The following FSTL5 variants were observed in gnomAD, a reference collection of about 807,000 sequenced individuals.
The protein encoded by FSTL5 is follistatin like 5.
FSTL5 carries 62 observed loss-of-function variants against 89.1 expected under a neutral mutation model. That is an observed-to-expected ratio of 0.70 (90% confidence interval 0.57 to 0.86). The LOEUF (loss-of-function observed/expected upper bound fraction) is 0.86, where lower values mean the gene tolerates loss of function less well. Ranked by LOEUF, FSTL5 falls within the 40% of genes least tolerant of loss-of-function variation. The pLI is 0.00. For missense variants in FSTL5, 1,057 were observed against 1,001.6 expected (o/e 1.06, Z -0.75); for synonymous variants, 383 against 346.2 (o/e 1.11, Z -1.18).
chr4:161,462,270 G>A (rs1733608377), intron 13 of FSTL5, among the ~76,000 whole-genome samples: 1 of 152,034 alleles, frequency 6.6e-6, no homozygotes, highest in African/African-American at 2.4e-5. Context: ...CCTCTTAGTT[G>A]ATTGTTTATT....
intron 8 of FSTL5, among the ~76,000 whole-genome samples, chr4:161,561,593 G>A (rs1732604070): frequency 6.6e-6 from 1 of 151,710 alleles, no homozygotes; most frequent in Non-Finnish European, 1.5e-5. Flanking sequence ...CTTTAACAGG[G>A]AATTTAATGG....
At chr4:161,648,258 A>G (rs1411979484) in intron 7 of FSTL5, among the ~76,000 whole-genome samples, 3 of 152,128 alleles carry the variant, frequency 2.0e-5, no homozygotes, top group Non-Finnish European at 4.4e-5. Context: ...GAGCAAAACT[A>G]AAAGAGCACC....
At chr4:161,910,824 A>C (rs1036789955) in intron 4 of FSTL5, among the ~76,000 whole-genome samples, 1 of 152,140 alleles carries the variant, frequency 6.6e-6, no homozygotes, top group African/African-American at 2.4e-5. Context: ...TTTTCCACTT[A>C]ACTGGACTAC....
chr4:161,682,282 G>A (rs1737551486), intron 6 of FSTL5, among the ~76,000 whole-genome samples: 2 of 152,200 alleles, frequency 1.3e-5, no homozygotes, highest in South Asian at 2.1e-4. Context: ...TATAACCGCT[G>A]TATACTTAGG....
intron 2 of FSTL5, among the ~76,000 whole-genome samples, chr4:162,042,676 A>G (rs2111229973): frequency 6.6e-6 from 1 of 152,126 alleles, no homozygotes; most frequent in Admixed American, 6.6e-5. Flanking sequence ...ACATATAGGC[A>G]CTCCTCTCCA....
At chr4:161,977,639 A>AAATAATAATAATAATAAT (rs70937700) in intron 3 of FSTL5, among the ~76,000 whole-genome samples, 200 of 101,108 alleles carry the variant, frequency 2.0e-3, no homozygotes, top group East Asian at 4.0e-3. Flanking sequence ...AAAAAAAAAA[A>AAATAATAATAATAATAAT]AATAATAATA....
intron 15 of FSTL5, among the ~76,000 whole-genome samples, chr4:161,438,366 A>AAAAT (rs1322823811): frequency 2.0e-5 from 3 of 152,102 alleles, no homozygotes; most frequent in Non-Finnish European, 4.4e-5. Flanking sequence ...TACTAGAGAG[A>AAAAT]AAATAAAAAC....
At chr4:161,961,878 A>G (rs1735188983) in intron 3 of FSTL5, among the ~76,000 whole-genome samples, 1 of 151,690 alleles carries the variant, frequency 6.6e-6, no homozygotes, top group Non-Finnish European at 1.5e-5. Flanking sequence ...CTATGATAAC[A>G]AACAATTAGA....
chr4:161,985,646 C>T (rs547488438), intron 3 of FSTL5, among the ~76,000 whole-genome samples: 176 of 151,794 alleles, frequency 1.2e-3, no homozygotes, highest in African/African-American at 3.4e-3. Flanking sequence ...CTTTAATATA[C>T]TTTGTATATA....
chr4:161,624,520 C>T (rs190268169), intron 7 of FSTL5, among the ~76,000 whole-genome samples: 2 of 151,448 alleles, frequency 1.3e-5, no homozygotes, highest in East Asian at 3.9e-4. Context: ...ATTAAAAGTT[C>T]CTTTATATTA....
At chr4:161,599,030 T>C (rs1045934984) in intron 7 of FSTL5, among the ~76,000 whole-genome samples, 1 of 151,974 alleles carries the variant, frequency 6.6e-6, no homozygotes. Flanking sequence ...TTTGTAAAAA[T>C]ACATTATCAA....
chr4:161,593,255 T>G (rs1256420820), intron 7 of FSTL5, among the ~76,000 whole-genome samples: 1 of 152,100 alleles, frequency 6.6e-6, no homozygotes. Flanking sequence ...TTAAAAATAT[T>G]TATATCTTTA....
At chr4:161,950,281 C>T (rs1734855222) in intron 3 of FSTL5, among the ~76,000 whole-genome samples, 1 of 152,132 alleles carries the variant, frequency 6.6e-6, no homozygotes, top group Non-Finnish European at 1.5e-5. Flanking sequence ...GGAGACTTAA[C>T]TCTTACCTAT....
intron 4 of FSTL5, among the ~76,000 whole-genome samples, chr4:161,837,451 G>A (rs1731083110): frequency 6.6e-6 from 1 of 152,082 alleles, no homozygotes; most frequent in Non-Finnish European, 1.5e-5. Flanking sequence ...TAAATAAATA[G>A]GATGCCATTG....
chr4:161,429,486 C>A (rs1732278327), intron 15 of FSTL5, among the ~76,000 whole-genome samples: 1 of 152,156 alleles, frequency 6.6e-6, no homozygotes, highest in South Asian at 2.1e-4. Flanking sequence ...TTTGTATCAC[C>A]CCTCCGCCAG....
chr4:161,710,254 T>C (rs1579039414), intron 6 of FSTL5, among the ~76,000 whole-genome samples: 1 of 152,144 alleles, frequency 6.6e-6, no homozygotes, highest in East Asian at 1.9e-4. Context: ...AGGTATGAGC[T>C]ACTGCACCTG....
At chr4:161,486,677 C>T (rs1437849804) in intron 12 of FSTL5, among the ~76,000 whole-genome samples, 3 of 152,174 alleles carry the variant, frequency 2.0e-5, no homozygotes, top group Non-Finnish European at 4.4e-5. Context: ...TAACCACTCT[C>T]TCTGCTCCTT....
intron 15 of FSTL5, among the ~76,000 whole-genome samples, chr4:161,443,350 A>T (rs2126373151): frequency 6.6e-6 from 1 of 152,120 alleles, no homozygotes; most frequent in African/African-American, 2.4e-5. Context: ...AGCATACTAA[A>T]TTTTTTTAAA....
chr4:161,903,092 T>A (rs1383538080), intron 4 of FSTL5, among the ~76,000 whole-genome samples: 1 of 152,192 alleles, frequency 6.6e-6, no homozygotes, highest in Admixed American at 6.5e-5. Flanking sequence ...TGAAATGTTA[T>A]CCCTTTAATA....
Sources: allele counts gnomAD v4.1 joint callset (sites outside exome capture counted in the v4.1 genomes callset), GRCh38; gene constraint gnomAD v4.1.1; transcripts MANE v1.5; gene names NCBI Gene and HGNC (gene_info 2026-07-23, HGNC 2026-07-21).